Variants in GOLGA8A observed in about 807,000 individuals in gnomAD.
GOLGA8A encodes the protein golgin subfamily A member 8A.
A neutral mutation model predicts 22.1 loss-of-function variants in GOLGA8A; 3 were observed. That is an observed-to-expected ratio of 0.14 (90% CI 0.06 to 0.35). The LOEUF (loss-of-function observed/expected upper bound fraction) is 0.35, where lower values mean the gene tolerates loss of function less well. GOLGA8A is among the 10% of genes least tolerant of loss of function. The pLI is 1.00. For synonymous variants in GOLGA8A, 7 were observed against 91.7 expected, an observed-to-expected ratio of 0.08 and a Z score of 5.28; for missense variants, 16 against 233.2, an observed-to-expected ratio of 0.07 and a Z score of 6.07.
chr15:34,414,718 T>C (rs149530303), intron 2 of GOLGA8A, among the ~76,000 whole-genome samples: 13,177 of 133,014 alleles, frequency 0.099, 1,400 homozygotes, highest in South Asian at 0.27. Context: ...TTTTCTCATT[T>C]GAGAACTGAA....
chr15:34,427,725 C>T (rs1449444462), intron 2 of GOLGA8A, among the ~76,000 whole-genome samples: 2 of 148,420 alleles, frequency 1.3e-5, no homozygotes, highest in Admixed American at 6.8e-5. Flanking sequence ...TTGGTTTCAA[C>T]CTATTTGCCA....
rs968479566 is a variant in GOLGA8A, at chr15:34,379,502, A to G, written c.*1909T>C. 1 of 152,644 alleles carries G rather than the reference A, an allele frequency of 6.6e-6. No homozygotes were observed. 9.5% of individuals were successfully genotyped at this position (152,644 alleles called of 1,614,324 possible). On this transcript the variant is annotated 3_prime_UTR_variant, in exon 25 of 25. Coordinates refer to ENST00000359187, the MANE Select transcript of GOLGA8A (RefSeq NM_181077.5). ...GTGTAATACATTGATAAATTCATACAATTTGGAAGAGTCAGTTGAAGTTAC... is the reference window on the plus strand; with the variant it reads ...GTGTAATACATTGATAAATTCATACGATTTGGAAGAGTCAGTTGAAGTTAC...
intron 2 of GOLGA8A, chr15:34,418,745 A>C (rs1892673827): frequency 1.4e-5 from 2 of 146,668 alleles, no homozygotes; most frequent in Non-Finnish European, 3.0e-5. Context: ...AAGGGGCTGG[A>C]AAACCGGGAG....
chr15:34,423,212 C>T lies in GOLGA8A; in HGVS notation c.-1123+12171G>A, dbSNP rs570772965. Among the ~76,000 whole-genome samples, 94 of 126,340 alleles carry T rather than the reference C, an allele frequency of 7.4e-4. 9 individuals are homozygous for T. The highest frequency in any genetic ancestry group is 2.4e-3 in the African/African-American group (83 of 35,272). The allele number at this position is 126,340 out of a possible 152,430, so 82.9% of individuals were successfully genotyped here. The stretch of plus-strand genomic sequence containing the variant: ...AGCTGACCACCCCCATGCCTCTGGG[C>T]GCCACTCCCCTGCCCTACCACCACA... On this transcript the variant is annotated intron_variant, in intron 2 of 24. Transcript: ENST00000359187.
intron 4 of GOLGA8A, among the ~76,000 whole-genome samples, chr15:34,405,883 CA>C (rs1165797476): frequency 7.4e-6 from 1 of 134,700 alleles, no homozygotes; most frequent in Non-Finnish European, 1.7e-5. Context: ...AAATAATCAC[CA>C]GTAGAATTAA....
chr15:34,409,920 T>TGAG, intron 2 of GOLGA8A: 1 of 550,014 alleles, frequency 1.8e-6, no homozygotes, highest in Non-Finnish European at 3.2e-6. Context: ...AGGGCCTCCC[T>TGAG]GAGGAGGAGG....
rs192903059 is a variant in GOLGA8A, at chr15:34,436,048, T to C, written c.-1211-577A>G. Among the ~76,000 whole-genome samples, 608 of 148,756 alleles carry C rather than the reference T, an allele frequency of 4.1e-3. 48 individuals carry two copies. The highest frequency in any genetic ancestry group is 0.014 in the African/African-American group (568 of 40,338). Reference sequence around the variant, plus strand: ...AGGAATCAGCGCAGAGTGCAGGGCATCCTGGACTCCCCGGACTGGGAAACC... The same window carrying C: ...AGGAATCAGCGCAGAGTGCAGGGCACCCTGGACTCCCCGGACTGGGAAACC... On this transcript the variant is annotated intron_variant, in intron 1 of 24. Coordinates refer to ENST00000359187, the MANE Select transcript of GOLGA8A (RefSeq NM_181077.5).
intron 12 of GOLGA8A, among the ~76,000 whole-genome samples, chr15:34,386,145 A>G (rs1891704609): frequency 6.8e-6 from 1 of 148,048 alleles, no homozygotes; most frequent in South Asian, 2.1e-4. Flanking sequence ...CCGATATAGG[A>G]TGGAAAAGAA....
intron 2 of GOLGA8A, among the ~76,000 whole-genome samples, chr15:34,426,641 C>T (rs956322889): frequency 1.4e-5 from 2 of 144,898 alleles, no homozygotes; most frequent in Non-Finnish European, 3.0e-5. Flanking sequence ...GCGCCACCCC[C>T]GTTGATGGAG....
chr15:34,398,001 G>A (rs1363337824), intron 8 of GOLGA8A, among the ~76,000 whole-genome samples: 1 of 138,720 alleles, frequency 7.2e-6, no homozygotes, highest in Non-Finnish European at 1.6e-5. Context: ...TGCTCCACCA[G>A]GATTTCACTA....
intron 2 of GOLGA8A, among the ~76,000 whole-genome samples, chr15:34,429,476 C>T (rs3866563): frequency 0.69 from 100,366 of 144,860 alleles, 37,415 homozygotes; most frequent in East Asian, 0.79. Context: ...GGGCTCTGAA[C>T]GGGCAAACCC....
chr15:34,392,851 TATGAC>T (rs1412946793), intron 8 of GOLGA8A, among the ~76,000 whole-genome samples: 6 of 139,022 alleles, frequency 4.3e-5, no homozygotes, highest in African/African-American at 1.6e-4. Flanking sequence ...TGATAACCTA[TATGAC>T]ATATGTATTT....
Position 34,380,332 on chromosome 15 carries a change from A to C in GOLGA8A, c.*1079T>G, listed in dbSNP as rs1206776738. ...GTGTCACACAGCTTTCCTTCACTCTAATTCATTCTTGACTAGAGCCTGTAT... is the reference window on the plus strand; with the variant it reads ...GTGTCACACAGCTTTCCTTCACTCTCATTCATTCTTGACTAGAGCCTGTAT... On this transcript the variant is annotated 3_prime_UTR_variant, in exon 25 of 25. Transcript: ENST00000359187. The C allele has an allele frequency of 1.3e-5, 2 of 152,204 alleles. No homozygotes were observed. The highest frequency in any genetic ancestry group is 2.9e-5 in the Non-Finnish European group (2 of 68,038). The allele number at this position is 152,204 out of a possible 1,614,324, so 9.4% of individuals were successfully genotyped here.
At position 34,434,994 on chromosome 15, in the gene GOLGA8A, T is replaced by C. The variant is rs1017920319; in HGVS notation, c.-1123+389A>G. On this transcript the variant is annotated intron_variant, in intron 2 of 24. Coordinates refer to ENST00000359187, the MANE Select transcript of GOLGA8A (RefSeq NM_181077.5). ...CGAAGACATTCAAGCCACCCAGTGA[T>C]GTGTGCTGGGCCTCGATCCCCACCG... is the stretch of plus-strand genomic sequence containing the variant. Among the ~76,000 whole-genome samples the C allele has an allele frequency of 2.7e-5, 4 of 149,546 alleles. 1 individual carries two copies. The highest frequency in any genetic ancestry group is 9.9e-5 in the African/African-American group (4 of 40,528).
At chr15:34,424,817 C>T (rs932475996) in intron 2 of GOLGA8A, among the ~76,000 whole-genome samples, 8 of 133,548 alleles carry the variant, frequency 6.0e-5, no homozygotes, top group Admixed American at 4.8e-4. Context: ...GTTTATCTAG[C>T]GGCCGGGTAG....
At chr15:34,420,338 G>A (rs1892747537) in intron 2 of GOLGA8A, 1 of 145,916 alleles carries the variant, frequency 6.9e-6, no homozygotes, top group African/African-American at 2.6e-5. Context: ...ACTACTGGAG[G>A]ACAAGGCAGC....
At chr15:34,386,532 CA>C in intron 12 of GOLGA8A, 92 bp downstream of exon 12, 2 of 1,338,048 alleles carry the variant, frequency 1.5e-6, no homozygotes, top group Non-Finnish European at 2.0e-6. Flanking sequence ...CCCTTGGCAC[CA>C]GGGGCCCCCA....
chr15:34,435,167 G>A (rs1386543579), intron 2 of GOLGA8A, among the ~76,000 whole-genome samples: 1 of 149,304 alleles, frequency 6.7e-6, no homozygotes, highest in Non-Finnish European at 1.5e-5. Context: ...CTGAGGCCTG[G>A]AGGGGGCCTC....
chr15:34,411,874 CAGAGA>C lies in GOLGA8A; in HGVS notation c.-1122-4144_-1122-4140del, dbSNP rs1336131216. Among the ~76,000 whole-genome samples, 78 of 111,578 alleles carry C rather than the reference CAGAGA, an allele frequency of 7.0e-4. 13 individuals are homozygous for C. Among genetic ancestry groups the C allele is most frequent in the African/African-American group, 3.1e-3 (78 of 25,384 alleles). The allele number at this position is 111,578 out of a possible 152,430, so 73.2% of individuals were successfully genotyped here. A position where few individuals can be genotyped will look rare whatever the true frequency, so the allele number is the denominator to read the frequency against. On this transcript the variant is annotated intron_variant, in intron 2 of 24. Coordinates refer to ENST00000359187, the MANE Select transcript of GOLGA8A (RefSeq NM_181077.5). ...TGCCCCCAACTCCCCAGTCAACCTT[CAGAGA>C]AGAGAAGGTGATCTCTCTCCAGCTG... is the stretch of plus-strand genomic sequence containing the variant.
Sources: gnomAD v4.1 joint callset for allele counts (sites outside exome capture counted in the v4.1 genomes callset) on GRCh38, gnomAD v4.1.1 for gene constraint, MANE v1.5 for transcripts, NCBI Gene and HGNC (gene_info 2026-07-23, HGNC 2026-07-21) for gene names.